HEATR5A: variants seen among roughly 807,000 people sequenced by gnomAD.
The protein encoded by HEATR5A is HEAT repeat-containing protein 5A.
HEATR5A carries 178 observed loss-of-function variants against 218.8 expected under a neutral mutation model. The ratio of observed to expected loss-of-function variants is 0.81; its 90% CI spans 0.72 to 0.92. The LOEUF (loss-of-function observed/expected upper bound fraction) is 0.92. Among genes scored for constraint, HEATR5A ranks in the 40% least tolerant of loss-of-function variants. The pLI is 0.00. For synonymous variants in HEATR5A, 864 were observed against 871.6 expected, an observed-to-expected ratio of 0.99 and a Z score of 0.15; for missense variants, 2,420 against 2,418.9, an observed-to-expected ratio of 1.00 and a Z score of -0.01.
At chr14:31,401,908 T>A (rs1013381205) in intron 2 of HEATR5A, among the ~76,000 whole-genome samples, 1 of 152,228 alleles carries the variant, frequency 6.6e-6, no homozygotes, top group African/African-American at 2.4e-5. Context: ...GCTATCTGAA[T>A]AAAGAGTACA....
intron 12 of HEATR5A, among the ~76,000 whole-genome samples, chr14:31,374,209 C>T (rs796329061): frequency 3.4e-5 from 5 of 149,014 alleles, no homozygotes; most frequent in African/African-American, 5.0e-5. Context: ...GGGAGGCTGA[C>T]GTGAGAGGAT....
chr14:31,413,763 G>A (rs887023543), intron 1 of HEATR5A, among the ~76,000 whole-genome samples: 3 of 152,086 alleles, frequency 2.0e-5, no homozygotes, highest in Non-Finnish European at 4.4e-5. Flanking sequence ...AAATTTGTCC[G>A]AGGCTGAAAT....
intron 6 of HEATR5A, among the ~76,000 whole-genome samples, chr14:31,392,637 A>C (rs1179673433): frequency 6.6e-6 from 1 of 152,150 alleles, no homozygotes; most frequent in African/African-American, 2.4e-5. Context: ...CCAGACTCTC[A>C]TATCCAGCTG....
chr14:31,403,483 C>T (rs1250812428), intron 1 of HEATR5A, among the ~76,000 whole-genome samples: 1 of 152,178 alleles, frequency 6.6e-6, no homozygotes, highest in African/African-American at 2.4e-5. Flanking sequence ...TGAGCCTTTG[C>T]CTAGCTAGGT....
intron 22 of HEATR5A, among the ~76,000 whole-genome samples, chr14:31,330,323 C>G (rs1319606119): frequency 6.6e-6 from 1 of 152,164 alleles, no homozygotes; most frequent in African/African-American, 2.4e-5. Flanking sequence ...TCCCTTTTAG[C>G]CATGGCTGGA....
chr14:31,328,268 T>C (rs1416886676), intron 22 of HEATR5A, among the ~76,000 whole-genome samples: 1 of 152,088 alleles, frequency 6.6e-6, no homozygotes, highest in African/African-American at 2.4e-5. Flanking sequence ...GTGTTTTGTT[T>C]TGTTGGTACT....
intron 22 of HEATR5A, among the ~76,000 whole-genome samples, chr14:31,334,715 G>A (rs1900590782): frequency 6.6e-6 from 1 of 152,200 alleles, no homozygotes; most frequent in African/African-American, 2.4e-5. Context: ...GGGAGGCCGA[G>A]GCGAGTGGAT....
chr14:31,344,265 A>ATTTT (rs1245011736), intron 20 of HEATR5A, among the ~76,000 whole-genome samples, 200 bp from the exon 21 acceptor site: 1 of 54,922 alleles, frequency 1.8e-5, no homozygotes, highest in Non-Finnish European at 4.6e-5. Flanking sequence ...TAGATTAGTT[A>ATTTT]TTCTTTTTTT....
chr14:31,335,665 A>AT (rs1195176617), intron 22 of HEATR5A, among the ~76,000 whole-genome samples: 1 of 152,120 alleles, frequency 6.6e-6, no homozygotes, highest in East Asian at 1.9e-4. Flanking sequence ...TATTATTATT[A>AT]TTTTTTGACA....
chr14:31,294,031 A>C lies in HEATR5A; in HGVS notation c.5693T>G (p.Ile1898Ser), dbSNP rs1013323671. 4 of 1,604,426 alleles carry C rather than the reference A, an allele frequency of 2.5e-6. No individual in the cohort carries two copies. In the African/African-American group the frequency reaches 4.0e-5, roughly 16 times the overall value. Residue 1898 changes from isoleucine to serine, a missense_variant, in exon 35 of 36, where the codon ATT becomes AGT. Coordinates refer to ENST00000543095, the MANE Select transcript of HEATR5A (RefSeq NM_015473.4). ...CATGATACAGGATGCTAAAGAGTAA[A>C]TGTATGGGTAGGAAACAGCTGGATT... ...YPNPAVSYPY[I>S]YSLASCIMEK...
intron 25 of HEATR5A, 24 bp downstream of exon 25, chr14:31,321,475 A>C (rs776337999): frequency 6.5e-7 from 1 of 1,531,998 alleles, no homozygotes; most frequent in African/African-American, 1.4e-5. Context: ...TTAATAATAA[A>C]ATTCTCTAAA....
At position 31,313,165 on chromosome 14, in the gene HEATR5A, T is replaced by C. The variant is rs750859407; in HGVS notation, c.4244A>G (p.His1415Arg). ...CTTCAAAGGTTGTCTGTGGTTTTTATGTCTTTGCACAGCAATTATGTAGAC... is the reference window on the plus strand; with the variant it reads ...CTTCAAAGGTTGTCTGTGGTTTTTACGTCTTTGCACAGCAATTATGTAGAC... ...AEVYIIAVQRHKNHRQPLKTT... is the reference protein window; with the variant it reads ...AEVYIIAVQRRKNHRQPLKTT... The change falls in exon 28 of 36, where the codon CAT becomes CGT. Residue 1415 changes from histidine (H) to arginine (R), a missense_variant. Transcript: ENST00000543095. 16 of 1,613,666 alleles carry C rather than the reference T, an allele frequency of 9.9e-6. No homozygotes were observed. The highest frequency in any genetic ancestry group is 1.3e-5 in the Non-Finnish European group (15 of 1,179,564).
rs763798447 is a variant in HEATR5A at position 31,318,239 on chromosome 14, A to G, written c.4023T>C (p.Thr1341=). The G allele has an allele frequency of 6.2e-7, 1 of 1,613,832 alleles. No homozygotes were observed. The highest frequency in any genetic ancestry group is 1.1e-5 in the South Asian group (1 of 91,074). The change falls in exon 26 of 36, where the codon ACT becomes ACC. Residue 1341 remains threonine, a synonymous_variant. Transcript: ENST00000543095. ...AACCATTTACCTGACATGCTTTGGC[A>G]GTGACATCAGGTGGTGTCTCTGAAG... is the stretch of plus-strand genomic sequence containing the variant. The part of the protein sequence containing the change: ...AFTSETPPDV[T]AKACQVCSAW...
intron 11 of HEATR5A, among the ~76,000 whole-genome samples, chr14:31,379,887 G>A (rs963454779): frequency 2.6e-5 from 4 of 152,282 alleles, no homozygotes; most frequent in Admixed American, 1.3e-4. Context: ...GGGCCCAGGA[G>A]GTCAAGGCTG....
intron 3 of HEATR5A, among the ~76,000 whole-genome samples, chr14:31,399,355 T>C (rs2030783950): frequency 6.6e-6 from 1 of 152,180 alleles, no homozygotes; most frequent in South Asian, 2.1e-4. Flanking sequence ...TCAAGTTTGT[T>C]ACAAAATTCT....
chr14:31,304,178 C>T (rs113176291), intron 32 of HEATR5A, among the ~76,000 whole-genome samples: 325 of 152,238 alleles, frequency 2.1e-3, no homozygotes, highest in African/African-American at 7.2e-3. Flanking sequence ...CACTGCACTC[C>T]GGCCTAGGTG....
chr14:31,352,377 C>T (rs1364604824), intron 16 of HEATR5A, among the ~76,000 whole-genome samples: 6 of 152,174 alleles, frequency 3.9e-5, no homozygotes, highest in African/African-American at 1.4e-4. Context: ...ATTAAACACA[C>T]GGCATGACTG....
intron 13 of HEATR5A, among the ~76,000 whole-genome samples, chr14:31,369,859 G>A (rs1367677028): frequency 1.3e-5 from 2 of 150,510 alleles, no homozygotes; most frequent in South Asian, 2.1e-4. Context: ...ACGGGGACCC[G>A]GGAGACGGAG....
chr14:31,406,409 CTTA>C (rs1444636928), intron 1 of HEATR5A, among the ~76,000 whole-genome samples: 2 of 152,148 alleles, frequency 1.3e-5, no homozygotes, highest in Non-Finnish European at 2.9e-5. Flanking sequence ...TTACTGCTTA[CTTA>C]TTATAGTCTA....
Sources: gnomAD v4.1 joint callset for allele counts (sites outside exome capture counted in the v4.1 genomes callset) on GRCh38, gnomAD v4.1.1 for gene constraint, MANE v1.5 for transcripts, NCBI Gene and HGNC (gene_info 2026-07-23, HGNC 2026-07-21) for gene names.